Variants in PCSK5 observed in about 807,000 individuals in gnomAD.
The protein encoded by PCSK5 is prohormone convertase 5.
In PCSK5, 129 loss-of-function variants were observed where a neutral mutation model predicts 233.2. The ratio of observed to expected loss-of-function variants is 0.55; its 90% CI spans 0.48 to 0.64. PCSK5 has a LOEUF of 0.64. PCSK5 is among the 30% of genes least tolerant of loss of function. PCSK5 has a pLI of 0.00. For missense variants in PCSK5, 2,076 were observed against 2,430.1 expected (o/e 0.85, Z 3.06); for synonymous variants, 825 against 879.2 (o/e 0.94, Z 1.09).
intron 24 of PCSK5, among the ~76,000 whole-genome samples, chr9:76,254,708 C>A (rs1826921864): frequency 6.6e-6 from 1 of 152,174 alleles, no homozygotes; most frequent in South Asian, 2.1e-4. Flanking sequence ...TGTATTCGCC[C>A]ATATAAGACA....
chr9:76,012,408 T>A (rs1208623520), intron 3 of PCSK5, among the ~76,000 whole-genome samples: 1 of 152,216 alleles, frequency 6.6e-6, no homozygotes, highest in Non-Finnish European at 1.5e-5. Context: ...AGTGGACATC[T>A]GACTGCAAAG....
In PCSK5 at chr9:76,103,467, A is replaced by G. The variant is rs570772204; in HGVS notation, c.1108-3784A>G. ...AGCTTGTCACTTATGGCCAAAGTCA[A>G]TCTGAACTGAGATTCCCTGGAGAAT... On this transcript the variant is annotated intron_variant, in intron 8 of 37. Coordinates refer to ENST00000674117, the MANE Select transcript of PCSK5 (RefSeq NM_001372043.1). Among the ~76,000 whole-genome samples the G allele has an allele frequency of 7.2e-5, 11 of 152,298 alleles. No individual in the cohort carries two copies. The South Asian group carries it at 8.3e-4, about 11-fold the overall frequency.
intron 24 of PCSK5, chr9:76,287,797 C>G (rs1327897612): frequency 4.8e-6 from 1 of 208,514 alleles, no homozygotes; most frequent in Non-Finnish European, 1.0e-5. Context: ...CATCACAAAC[C>G]TAGGTGGGCA....
chr9:76,071,676 GT>G (rs773101986), intron 6 of PCSK5, 49 bp from the exon 7 acceptor site: 2 of 1,480,614 alleles, frequency 1.4e-6, no homozygotes, highest in African/African-American at 2.8e-5. Context: ...TTCTTTGAGT[GT>G]TGTGTAGGGA....
chr9:76,352,210 C>T (rs1331994654), intron 36 of PCSK5, among the ~76,000 whole-genome samples: 1 of 152,146 alleles, frequency 6.6e-6, no homozygotes, highest in Non-Finnish European at 1.5e-5. Context: ...CCTTTTTAGA[C>T]CATATAGGGT....
chr9:76,127,616 A>G (rs867419710), intron 9 of PCSK5, among the ~76,000 whole-genome samples: 10 of 152,254 alleles, frequency 6.6e-5, no homozygotes, highest in African/African-American at 1.9e-4. Context: ...AAACTAAAAA[A>G]CATATTACTA....
intron 9 of PCSK5, among the ~76,000 whole-genome samples, chr9:76,127,175 A>T (rs1283614636): frequency 6.6e-6 from 1 of 152,188 alleles, no homozygotes; most frequent in African/African-American, 2.4e-5. Context: ...GCAGTCAATG[A>T]TTTCTGTTGC....
chr9:75,945,155 G>C (rs1020975312), intron 2 of PCSK5, among the ~76,000 whole-genome samples: 2 of 150,022 alleles, frequency 1.3e-5, no homozygotes, highest in South Asian at 4.2e-4. Flanking sequence ...AAAAATATAA[G>C]AATAACATAT....
At chr9:76,236,434 C>T (rs540901516) in intron 22 of PCSK5, among the ~76,000 whole-genome samples, 23 of 152,294 alleles carry the variant, frequency 1.5e-4, no homozygotes, top group Admixed American at 1.1e-3. Flanking sequence ...GAACTCTTGT[C>T]GCCTGTTTTC....
At chr9:75,974,106 C>A (rs1479499189) in intron 2 of PCSK5, among the ~76,000 whole-genome samples, 3 of 152,142 alleles carry the variant, frequency 2.0e-5, no homozygotes, top group Non-Finnish European at 2.9e-5. Context: ...AGCCCCAGGG[C>A]TCCTCTAATT....
At chr9:76,298,194 C>A (rs1252070219) in intron 27 of PCSK5, among the ~76,000 whole-genome samples, 1 of 151,978 alleles carries the variant, frequency 6.6e-6, no homozygotes, top group East Asian at 1.9e-4. Flanking sequence ...GGCTTGATTC[C>A]CCAAATGATT....
intron 10 of PCSK5, among the ~76,000 whole-genome samples, chr9:76,138,401 T>C (rs1587675438): frequency 6.6e-6 from 1 of 152,080 alleles, no homozygotes; most frequent in East Asian, 1.9e-4. Context: ...CATTTGGGCA[T>C]ATAGTACATG....
At chr9:76,275,171 A>G (rs1434072358) in intron 24 of PCSK5, among the ~76,000 whole-genome samples, 2 of 152,172 alleles carry the variant, frequency 1.3e-5, no homozygotes, top group East Asian at 3.9e-4. Context: ...AAATTTTAAC[A>G]TGAGGTTTGG....
intron 17 of PCSK5, among the ~76,000 whole-genome samples, chr9:76,185,990 C>G (rs541656022): frequency 6.6e-6 from 1 of 152,074 alleles, no homozygotes; most frequent in African/African-American, 2.4e-5. Context: ...GTATGTTAAA[C>G]CAGTGCATGC....
intron 2 of PCSK5, among the ~76,000 whole-genome samples, chr9:75,954,172 A>G (rs1050622113): frequency 6.6e-6 from 1 of 152,220 alleles, no homozygotes; most frequent in Non-Finnish European, 1.5e-5. Flanking sequence ...TCGTTTGTAG[A>G]AACAGGCCTA....
chr9:76,175,574 A>G (rs540768308), intron 14 of PCSK5: 6 of 203,566 alleles, frequency 2.9e-5, no homozygotes, highest in East Asian at 2.2e-4. Context: ...ATCTTTGTCT[A>G]TATCTTCATT....
intron 23 of PCSK5, 121 bp downstream of exon 23, chr9:76,239,286 G>C: frequency 1.3e-6 from 1 of 765,518 alleles, no homozygotes; most frequent in African/African-American, 1.7e-5. Context: ...GATGATTTTG[G>C]GTGACTCCCA....
intron 10 of PCSK5, among the ~76,000 whole-genome samples, chr9:76,138,067 A>G (rs1344296248): frequency 2.0e-5 from 3 of 151,878 alleles, no homozygotes; most frequent in African/African-American, 7.3e-5. Flanking sequence ...TCATTTATTT[A>G]TTTACCAATA....
chr9:75,952,580 C>T (rs1824911046), intron 2 of PCSK5, among the ~76,000 whole-genome samples: 1 of 152,146 alleles, frequency 6.6e-6, no homozygotes, highest in Non-Finnish European at 1.5e-5. Context: ...GTCCCTGCTA[C>T]CTCCCACCAA....
Sources: gnomAD v4.1 joint callset for allele counts (sites outside exome capture counted in the v4.1 genomes callset) on GRCh38, gnomAD v4.1.1 for gene constraint, MANE v1.5 for transcripts, NCBI Gene and HGNC (gene_info 2026-07-23, HGNC 2026-07-21) for gene names.